Variants in DOCK7 observed in about 807,000 individuals in gnomAD.
DOCK7 encodes the protein dedicator of cytokinesis protein 7.
A neutral mutation model predicts 271.0 loss-of-function variants in DOCK7; 138 were observed. The observed-to-expected ratio is 0.51, with a 90% CI of 0.44 to 0.59. The LOEUF (loss-of-function observed/expected upper bound fraction) is 0.59. Ranked by LOEUF, DOCK7 falls within the 20% of genes least tolerant of loss-of-function variation. DOCK7 has a pLI of 0.00. For missense variants in DOCK7, 2,066 were observed against 2,592.4 expected (o/e 0.80, Z 4.41); for synonymous variants, 823 against 876.1 (o/e 0.94, Z 1.07).
chr1:62,598,542 C>T (rs944094224), intron 14 of DOCK7, among the ~76,000 whole-genome samples: 14 of 151,864 alleles, frequency 9.2e-5, no homozygotes, highest in African/African-American at 3.4e-4. Flanking sequence ...AAAATATGTG[C>T]TATTTGAAAG....
At chr1:62,583,589 T>A (rs180785379) in intron 15 of DOCK7, among the ~76,000 whole-genome samples, 2 of 152,192 alleles carry the variant, frequency 1.3e-5, no homozygotes, top group Admixed American at 6.5e-5. Flanking sequence ...TTGGAACTTA[T>A]GTAAGAAATA....
In DOCK7 at chr1:62,571,673, C is replaced by T. The variant is rs148931704; in HGVS notation, c.2112+5589G>A. ...AACCCAAATGCCCATCAATGATAGA[C>T]TGGATAAAGAAAATGTGGTACATAT... On this transcript the variant is annotated intron_variant, in intron 18 of 49. Transcript: ENST00000635253. Among the ~76,000 whole-genome samples the T allele has an allele frequency of 6.0e-3, 919 of 152,214 alleles. 15 individuals are homozygous for T. Among genetic ancestry groups the T allele is most frequent in the African/African-American group, 0.02 (851 of 41,518 alleles).
At chr1:62,599,216 C>G (rs1207427668) in intron 14 of DOCK7, among the ~76,000 whole-genome samples, 1 of 152,004 alleles carries the variant, frequency 6.6e-6, no homozygotes. Flanking sequence ...ATTACCCAAC[C>G]CTTCGTCATC....
intron 37 of DOCK7, among the ~76,000 whole-genome samples, chr1:62,501,157 G>C (rs139266415): frequency 6.6e-6 from 1 of 152,076 alleles, no homozygotes; most frequent in Non-Finnish European, 1.5e-5. Context: ...AGACCAGACT[G>C]GGCAACAAAG....
At chr1:62,674,698 T>C (rs1660358360) in intron 1 of DOCK7, among the ~76,000 whole-genome samples, 1 of 152,152 alleles carries the variant, frequency 6.6e-6, no homozygotes, top group Non-Finnish European at 1.5e-5. Flanking sequence ...GCCAAGGCAA[T>C]TCAATTGGAC....
intron 1 of DOCK7, among the ~76,000 whole-genome samples, chr1:62,674,603 T>C (rs907391192): frequency 1.3e-5 from 2 of 152,176 alleles, no homozygotes; most frequent in East Asian, 1.9e-4. Flanking sequence ...GGTATAAGGA[T>C]AGACACACAG....
At chr1:62,624,767 A>G (rs966720942) in intron 12 of DOCK7, among the ~76,000 whole-genome samples, 23 of 152,280 alleles carry the variant, frequency 1.5e-4, no homozygotes, top group African/African-American at 5.3e-4. Flanking sequence ...TGAGGTCAGG[A>G]GTTCGAGACC....
chr1:62,556,026 CT>C (rs754987059), intron 20 of DOCK7, 37 bp from the exon 21 acceptor site: 3 of 1,599,960 alleles, frequency 1.9e-6, no homozygotes, highest in African/African-American at 1.3e-5. Context: ...TTTGCTTTAA[CT>C]TTTTTTAGAC....
rs1329373918 is a variant in DOCK7, at chr1:62,636,530, A to C, written c.885+7T>G. On this transcript the variant is annotated splice_region_variant and intron_variant, in intron 8 of 49. Transcript: ENST00000635253. ...CAAATAACTATGGTCAAATTATATAATCTTACCTTTTTCTTTTCCTTGACA... is the reference window on the plus strand; with the variant it reads ...CAAATAACTATGGTCAAATTATATACTCTTACCTTTTTCTTTTCCTTGACA... 6.3e-7 allele frequency: 1 copy of C among 1,590,606 alleles called. No homozygotes were observed. The highest frequency in any genetic ancestry group is 8.6e-7 in the Non-Finnish European group (1 of 1,164,124).
chr1:62,666,888 C>T (rs1659382939), intron 1 of DOCK7, among the ~76,000 whole-genome samples: 1 of 152,174 alleles, frequency 6.6e-6, no homozygotes, highest in Non-Finnish European at 1.5e-5. Flanking sequence ...AAAACATGAT[C>T]CAGTATTTGA....
chr1:62,655,659 T>G (rs1657933348), intron 2 of DOCK7, among the ~76,000 whole-genome samples: 1 of 152,180 alleles, frequency 6.6e-6, no homozygotes, highest in South Asian at 2.1e-4. Context: ...ACTCCTGAGC[T>G]CAAGCAATCC....
intron 10 of DOCK7, among the ~76,000 whole-genome samples, chr1:62,632,465 C>G (rs138359049): frequency 6.6e-6 from 1 of 152,080 alleles, no homozygotes; most frequent in Non-Finnish European, 1.5e-5. Context: ...ACAGAAAAAG[C>G]TCAGTTCTTG....
intron 14 of DOCK7, among the ~76,000 whole-genome samples, chr1:62,591,453 G>A (rs561238958): frequency 1.3e-5 from 2 of 151,816 alleles, no homozygotes; most frequent in East Asian, 1.9e-4. Flanking sequence ...CCTGTAACAC[G>A]AGTTTACCTA....
At chr1:62,670,698 G>A (rs577359057) in intron 1 of DOCK7, among the ~76,000 whole-genome samples, 19 of 151,898 alleles carry the variant, frequency 1.3e-4, no homozygotes, top group African/African-American at 3.9e-4. Flanking sequence ...TGATGGGGAC[G>A]TGGAGAACCT....
chr1:62,465,461 A>G (rs1007939810), intron 48 of DOCK7, among the ~76,000 whole-genome samples: 12 of 138,350 alleles, frequency 8.7e-5, no homozygotes, highest in Admixed American at 8.6e-4. Flanking sequence ...AGATATATGA[A>G]TCCAGTGTAA....
At chr1:62,591,808 T>A (rs978106751) in intron 14 of DOCK7, among the ~76,000 whole-genome samples, 1 of 152,206 alleles carries the variant, frequency 6.6e-6, no homozygotes, top group South Asian at 2.1e-4. Context: ...AGAACTCTTA[T>A]AGAATCTATA....
chr1:62,582,613 AAG>A (rs1647173558), intron 16 of DOCK7, among the ~76,000 whole-genome samples: 1 of 150,940 alleles, frequency 6.6e-6, no homozygotes, highest in Admixed American at 6.6e-5. Context: ...CAAAAAAAAA[AAG>A]ATAAAATGAA....
At chr1:62,501,533 G>C (rs1266460322) in intron 37 of DOCK7, among the ~76,000 whole-genome samples, 1 of 152,072 alleles carries the variant, frequency 6.6e-6, no homozygotes, top group East Asian at 1.9e-4. Flanking sequence ...AGAATGACAG[G>C]GTGGAGGAGA....
chr1:62,463,767 C>T (rs1288377710), intron 48 of DOCK7, among the ~76,000 whole-genome samples: 1 of 151,766 alleles, frequency 6.6e-6, no homozygotes, highest in Non-Finnish European at 1.5e-5. Flanking sequence ...ACTATAAAGA[C>T]AAGAAAGGAA....
Sources: gnomAD v4.1 joint callset for allele counts (sites outside exome capture counted in the v4.1 genomes callset) on GRCh38, gnomAD v4.1.1 for gene constraint, MANE v1.5 for transcripts, NCBI Gene and HGNC (gene_info 2026-07-23, HGNC 2026-07-21) for gene names.